Variants in CDH20 observed in about 807,000 individuals in gnomAD.
CDH20 encodes the protein cadherin-20.
In CDH20, 29 loss-of-function variants were observed where a neutral mutation model predicts 74.2. The ratio of observed to expected loss-of-function variants is 0.39; its 90% CI spans 0.29 to 0.53. The LOEUF is 0.53. Ranked by LOEUF, CDH20 falls within the 20% of genes least tolerant of loss-of-function variation. CDH20 has a pLI of 0.69. For synonymous variants in CDH20, 469 were observed against 405.4 expected (o/e 1.16, Z -1.88); for missense variants, 988 against 1,048.3 (o/e 0.94, Z 0.79).
chr18:61,555,004 G>C lies in CDH20; in HGVS notation c.*309G>C. ...CAAGGGTGGCTTTTCTCTGCCATTC[G>C]CTAAGGCCTTTGTCACTTTTCCACC... On this transcript the variant is annotated 3_prime_UTR_variant, in exon 12 of 12. Transcript: ENST00000262717. 1 of 1,200,018 alleles carries C rather than the reference G, an allele frequency of 8.3e-7. No individual in the cohort carries two copies. The highest frequency in any genetic ancestry group is 1.0e-6 in the Non-Finnish European group (1 of 963,350). 74.3% of individuals were successfully genotyped at this position (1,200,018 alleles called of 1,614,324 possible).
chr18:61,356,052 G>A (rs560824673), intron 1 of CDH20, among the ~76,000 whole-genome samples: 1 of 151,432 alleles, frequency 6.6e-6, no homozygotes, highest in South Asian at 2.1e-4. Context: ...GGCTGGGGAA[G>A]AGTAAAGAGT....
chr18:61,502,519 G>A (rs1911418204), intron 4 of CDH20, among the ~76,000 whole-genome samples: 1 of 152,144 alleles, frequency 6.6e-6, no homozygotes. Flanking sequence ...CACTACAAGG[G>A]CTCTAGGGGC....
intron 1 of CDH20, among the ~76,000 whole-genome samples, chr18:61,343,943 C>A (rs1374799490): frequency 6.6e-6 from 1 of 152,082 alleles, no homozygotes; most frequent in Non-Finnish European, 1.5e-5. Flanking sequence ...GAGTTCCCAG[C>A]AGCCAGAGGG....
intron 5 of CDH20, among the ~76,000 whole-genome samples, chr18:61,505,133 G>T (rs768777334): frequency 1.7e-4 from 26 of 152,110 alleles, no homozygotes; most frequent in Non-Finnish European, 3.1e-4. Context: ...TTTTACATTT[G>T]ACACTAGACA....
chr18:61,362,079 G>A (rs900075246), intron 1 of CDH20, among the ~76,000 whole-genome samples: 1 of 152,144 alleles, frequency 6.6e-6, no homozygotes, highest in African/African-American at 2.4e-5. Context: ...GAGGCAGATG[G>A]AGGATCAGAG....
chr18:61,469,364 TAC>T (rs35516738), intron 1 of CDH20, among the ~76,000 whole-genome samples: 10,245 of 142,278 alleles, frequency 0.072, 463 homozygotes, highest in African/African-American at 0.14. Context: ...TGAGAATGAA[TAC>T]ACACACACAC....
intron 1 of CDH20, among the ~76,000 whole-genome samples, chr18:61,484,734 A>C (rs1910696526): frequency 7.5e-6 from 1 of 133,084 alleles, no homozygotes; most frequent in Admixed American, 7.7e-5. Flanking sequence ...TTTTTGCTCT[A>C]CTCCACACAC....
chr18:61,449,530 T>C (rs1410042937), intron 1 of CDH20, among the ~76,000 whole-genome samples: 1 of 152,102 alleles, frequency 6.6e-6, no homozygotes, highest in Non-Finnish European at 1.5e-5. Flanking sequence ...GTACACAGAA[T>C]AATATATTGT....
chr18:61,345,119 G>A (rs181182824), intron 1 of CDH20, among the ~76,000 whole-genome samples: 414 of 152,312 alleles, frequency 2.7e-3, no homozygotes, highest in Non-Finnish European at 4.5e-3. Context: ...AGGAAGGACT[G>A]CTTCATGCCC....
chr18:61,357,873 T>C (rs1422015866), intron 1 of CDH20, among the ~76,000 whole-genome samples: 4 of 152,134 alleles, frequency 2.6e-5, no homozygotes, highest in Admixed American at 2.0e-4. Context: ...CACTCCCTTT[T>C]CAAGTGTAGC....
At chr18:61,433,299 C>T (rs1433720026) in intron 1 of CDH20, among the ~76,000 whole-genome samples, 1 of 152,076 alleles carries the variant, frequency 6.6e-6, no homozygotes, top group Non-Finnish European at 1.5e-5. Flanking sequence ...GTAGGGGCAC[C>T]TTGTGTTTTG....
chr18:61,401,419 T>C (rs1416036102), intron 1 of CDH20, among the ~76,000 whole-genome samples: 2 of 152,306 alleles, frequency 1.3e-5, no homozygotes, highest in Admixed American at 6.5e-5. Flanking sequence ...GCTGTTGTTT[T>C]TATATCAATG....
At chr18:61,452,957 A>G (rs1178081094) in intron 1 of CDH20, among the ~76,000 whole-genome samples, 1 of 152,204 alleles carries the variant, frequency 6.6e-6, no homozygotes, top group Non-Finnish European at 1.5e-5. Flanking sequence ...TTTTGAGGAA[A>G]TTATAAGTTC....
intron 7 of CDH20, among the ~76,000 whole-genome samples, chr18:61,530,530 C>T (rs141250162): frequency 1.5e-3 from 235 of 152,098 alleles, no homozygotes; most frequent in African/African-American, 5.4e-3. Context: ...AACACATCAC[C>T]GGAAGTTAAA....
chr18:61,424,470 TA>T (rs1913001217), intron 1 of CDH20, among the ~76,000 whole-genome samples: 1 of 152,218 alleles, frequency 6.6e-6, no homozygotes, highest in South Asian at 2.1e-4. Flanking sequence ...GTGCCTAAAT[TA>T]GACTTAATTT....
intron 1 of CDH20, among the ~76,000 whole-genome samples, chr18:61,410,603 C>T (rs914165460): frequency 6.6e-6 from 1 of 152,040 alleles, no homozygotes; most frequent in Non-Finnish European, 1.5e-5. Flanking sequence ...AAACACAGAA[C>T]AGAGATATGA....
intron 1 of CDH20, among the ~76,000 whole-genome samples, chr18:61,369,391 T>C (rs1326958232): frequency 1.3e-5 from 2 of 152,166 alleles, no homozygotes; most frequent in African/African-American, 4.8e-5. Flanking sequence ...AATGGGAGTC[T>C]ATAACTCGAA....
At chr18:61,362,260 C>A (rs1329748666) in intron 1 of CDH20, among the ~76,000 whole-genome samples, 2 of 151,996 alleles carry the variant, frequency 1.3e-5, no homozygotes, top group Non-Finnish European at 2.9e-5. Context: ...ATTCTTTTTT[C>A]TTTATATGTG....
At chr18:61,487,949 G>T (rs1318821088) in intron 1 of CDH20, among the ~76,000 whole-genome samples, 1 of 152,122 alleles carries the variant, frequency 6.6e-6, no homozygotes, top group Non-Finnish European at 1.5e-5. Flanking sequence ...ACACATGCAT[G>T]CACAGGCACT....
Sources: allele counts gnomAD v4.1 joint callset (sites outside exome capture counted in the v4.1 genomes callset), GRCh38; gene constraint gnomAD v4.1.1; transcripts MANE v1.5; gene names NCBI Gene and HGNC (gene_info 2026-07-23, HGNC 2026-07-21).